IMMP1L: variants seen among roughly 807,000 people sequenced by gnomAD.
The protein encoded by IMMP1L is inner mitochondrial membrane peptidase subunit 1.
A neutral mutation model predicts 21.8 loss-of-function variants in IMMP1L; 24 were observed. The observed-to-expected ratio is 1.10, with a 90% CI of 0.80 to 1.55. The LOEUF (loss-of-function observed/expected upper bound fraction) is 1.55. Among genes scored for constraint, IMMP1L ranks in the 40% most tolerant of loss-of-function variants. IMMP1L has a pLI of 0.00. For synonymous variants in IMMP1L, 46 were observed against 62.8 expected, an observed-to-expected ratio of 0.73 and a Z score of 1.26; for missense variants, 195 against 200.7, an observed-to-expected ratio of 0.97 and a Z score of 0.17.
intron 1 of IMMP1L, among the ~76,000 whole-genome samples, chr11:31,478,857 T>C (rs1592009539): frequency 6.6e-6 from 1 of 152,092 alleles, no homozygotes; most frequent in African/African-American, 2.4e-5. Context: ...GTCAAATAAA[T>C]TGTAATTCAA....
intron 5 of IMMP1L, 93 bp from the exon 6 acceptor site, chr11:31,432,661 C>G (rs893707456): frequency 1.2e-6 from 1 of 810,326 alleles, no homozygotes. Flanking sequence ...TTTCTCTATG[C>G]CAGATAAACA....
intron 1 of IMMP1L, among the ~76,000 whole-genome samples, chr11:31,501,542 T>C (rs1955618051): frequency 6.6e-6 from 1 of 152,200 alleles, no homozygotes. Context: ...TATATTTCTG[T>C]TCATTATACA....
intron 1 of IMMP1L, among the ~76,000 whole-genome samples, chr11:31,467,343 C>A (rs1223070): frequency 0.38 from 58,401 of 151,990 alleles, 14,460 homozygotes; most frequent in African/African-American, 0.71. Context: ...CACTATAGTA[C>A]TTATGAGCAC....
chr11:31,438,720 CCTCCT>C, intron 4 of IMMP1L, among the ~76,000 whole-genome samples: 1 of 151,992 alleles, frequency 6.6e-6, no homozygotes, highest in South Asian at 2.1e-4. Context: ...TTCCTTTTTT[CCTCCT>C]CTCTATTGGA....
At chr11:31,462,299 G>C (rs1335504860) in intron 2 of IMMP1L, among the ~76,000 whole-genome samples, 1 of 140,812 alleles carries the variant, frequency 7.1e-6, no homozygotes, top group Non-Finnish European at 1.5e-5. Flanking sequence ...CCAGGCAACA[G>C]AGCAAGACCC....
chr11:31,460,178 T>TA (rs1258872956), intron 3 of IMMP1L, among the ~76,000 whole-genome samples: 9 of 151,860 alleles, frequency 5.9e-5, no homozygotes, highest in Non-Finnish European at 1.3e-4. Flanking sequence ...TCAGAAAATT[T>TA]AAAAAAATAA....
intron 3 of IMMP1L, among the ~76,000 whole-genome samples, chr11:31,457,047 G>T (rs1400206739): frequency 6.6e-6 from 1 of 151,344 alleles, no homozygotes; most frequent in African/African-American, 2.4e-5. Flanking sequence ...ATTGACTCTA[G>T]AGCACACTAA....
intron 1 of IMMP1L, among the ~76,000 whole-genome samples, chr11:31,506,708 T>A (rs1955788899): frequency 6.8e-6 from 1 of 147,042 alleles, no homozygotes; most frequent in Non-Finnish European, 1.5e-5. Flanking sequence ...ACACCTGTAA[T>A]CTCAACACTT....
At position 31,433,519 on chromosome 11, in the gene IMMP1L, CTG is replaced by C. The variant is rs1564962457; in HGVS notation, c.371_372del (p.Thr124ArgfsTer20). 3.7e-6 allele frequency: 6 copies of C among 1,611,614 alleles called. No homozygotes were observed. The highest frequency in any genetic ancestry group is 1.7e-5 in the Admixed American group (1 of 59,914). On this transcript the variant is annotated frameshift_variant, in exon 5 of 6. Transcript: ENST00000532287. ...GGAATAGGTCCATAGCACCTGGAATCTGTAGAATTCTGTAGATTGTCACCTTC... is the reference window on the plus strand; with the variant it reads ...GGAATAGGTCCATAGCACCTGGAATCTAGAATTCTGTAGATTGTCACCTTC... ...WLEGDNLQNS[T>X]DSRCYGPIPY...
chr11:31,452,304 C>T, intron 4 of IMMP1L: 1 of 983,286 alleles, frequency 1.0e-6, no homozygotes, highest in Non-Finnish European at 1.2e-6. Flanking sequence ...GATTATCACA[C>T]AATATTATAC....
chr11:31,443,688 C>A (rs746098326), intron 4 of IMMP1L, among the ~76,000 whole-genome samples: 1 of 152,130 alleles, frequency 6.6e-6, no homozygotes, highest in Non-Finnish European at 1.5e-5. Flanking sequence ...TATTTCTATA[C>A]GGTCCTGCTT....
At position 31,500,596 on chromosome 11, in the gene IMMP1L, CACACACACACACACAA is replaced by C. The variant is rs892313433; in HGVS notation, c.-30+8907_-30+8922del. Among the ~76,000 whole-genome samples, 40 of 148,018 alleles carry C rather than the reference CACACACACACACACAA, an allele frequency of 2.7e-4. 1 individual carries two copies. The highest frequency in any genetic ancestry group is 1.0e-3 in the African/African-American group (39 of 38,168). On this transcript the variant is annotated intron_variant, in intron 1 of 5. Transcript: ENST00000532287. ...TCCAAAAATCTGTTCCACATATGCA[CACACACACACACACAA>C]ACACACACACACACACTCCCCAAAG...
In IMMP1L at chr11:31,497,745, C is replaced by T. The variant is rs951000955; in HGVS notation, c.-30+11774G>A. Among the ~76,000 whole-genome samples, 16 of 152,204 alleles carry T rather than the reference C, an allele frequency of 1.1e-4. No homozygotes were observed. The East Asian group carries it at 2.9e-3, about 28-fold the overall frequency. ...GATTACAGGCGTGAGCCACTGCACC[C>T]GGCGGGGTACAATATTTCTTCTTGA... On this transcript the variant is annotated intron_variant, in intron 1 of 5. Transcript: ENST00000532287.
chr11:31,436,723 C>G (rs551825530), intron 4 of IMMP1L, among the ~76,000 whole-genome samples: 1 of 152,036 alleles, frequency 6.6e-6, no homozygotes, highest in African/African-American at 2.4e-5. Flanking sequence ...TGAGCCAGTG[C>G]GCCCAACCAT....
At chr11:31,504,951 G>T (rs1955733540) in intron 1 of IMMP1L, among the ~76,000 whole-genome samples, 1 of 152,174 alleles carries the variant, frequency 6.6e-6, no homozygotes, top group Admixed American at 6.6e-5. Context: ...AGGCAAAAAA[G>T]GAATTACCGG....
At position 31,460,620 on chromosome 11, in the gene IMMP1L, A is replaced by G; in HGVS notation, c.194+6T>C. On this transcript the variant is annotated splice_donor_region_variant and intron_variant, in intron 3 of 5. Coordinates refer to ENST00000532287, the MANE Select transcript of IMMP1L (RefSeq NM_001304274.2). Reference sequence around the variant, plus strand: ...TAAATTTAATATATCCATGACAGAAATTTACCTTTGGATACCATAAAAATG... The same window carrying G: ...TAAATTTAATATATCCATGACAGAAGTTTACCTTTGGATACCATAAAAATG... 1 of 1,567,110 alleles carries G rather than the reference A, an allele frequency of 6.4e-7. No homozygotes were observed. The highest frequency in any genetic ancestry group is 8.8e-7 in the Non-Finnish European group (1 of 1,138,166).
intron 1 of IMMP1L, among the ~76,000 whole-genome samples, chr11:31,489,461 A>G (rs987650044): frequency 6.6e-6 from 1 of 152,182 alleles, no homozygotes; most frequent in African/African-American, 2.4e-5. Context: ...ACTTTGGCGA[A>G]TGATATAAAG....
chr11:31,475,219 A>C (rs1402372788), intron 1 of IMMP1L, among the ~76,000 whole-genome samples: 1 of 152,232 alleles, frequency 6.6e-6, no homozygotes, highest in Non-Finnish European at 1.5e-5. Context: ...GTTTATAAAG[A>C]ATAAGCAGTT....
At chr11:31,494,430 G>A (rs1022169969) in intron 1 of IMMP1L, among the ~76,000 whole-genome samples, 3 of 152,210 alleles carry the variant, frequency 2.0e-5, no homozygotes, top group African/African-American at 7.2e-5. Flanking sequence ...ACAGAACAGG[G>A]GCAACCCTGG....
Sources: allele counts gnomAD v4.1 joint callset (sites outside exome capture counted in the v4.1 genomes callset), GRCh38; gene constraint gnomAD v4.1.1; transcripts MANE v1.5; gene names NCBI Gene and HGNC (gene_info 2026-07-23, HGNC 2026-07-21).